Variants in KIR3DL2 observed in about 807,000 individuals in gnomAD.
KIR3DL2 encodes the protein killer cell immunoglobulin like receptor, three Ig domains and long cytoplasmic tail 2.
KIR3DL2 carries 42 observed loss-of-function variants against 41.6 expected under a neutral mutation model. The observed-to-expected ratio is 1.01, with a 90% CI of 0.79 to 1.31. KIR3DL2 has a LOEUF of 1.31. KIR3DL2 is among the 50% of genes most tolerant of loss of function. KIR3DL2 has a pLI of 0.00. For synonymous variants in KIR3DL2, 230 were observed against 221.3 expected, an observed-to-expected ratio of 1.04 and a Z score of -0.35; for missense variants, 728 against 576.8, an observed-to-expected ratio of 1.26 and a Z score of -2.68.
At chr19:54,851,309 C>T in intron 2 of KIR3DL2, 54 bp downstream of exon 2, 2 of 1,576,980 alleles carry the variant, frequency 1.3e-6, no homozygotes, top group Non-Finnish European at 1.7e-6. Flanking sequence ...GAGGATTTTT[C>T]TGAAACAGGA....
At position 54,866,822 on chromosome 19, in the gene KIR3DL2, C is replaced by A; in HGVS notation, c.*91C>A. The A allele has an allele frequency of 1.5e-6, 2 of 1,360,208 alleles. No homozygotes were observed. Among genetic ancestry groups the A allele is most frequent in the Non-Finnish European group, 2.1e-6 (2 of 968,556 alleles). 84.3% of individuals were successfully genotyped at this position (1,360,208 alleles called of 1,614,324 possible). A position where few individuals can be genotyped will look rare whatever the true frequency, so the allele number is the denominator to read the frequency against. On this transcript the variant is annotated 3_prime_UTR_variant, in exon 9 of 9. Coordinates refer to ENST00000326321, the MANE Select transcript of KIR3DL2 (RefSeq NM_006737.4). Reference sequence around the variant, plus strand: ...GGCATCAGTCTGCATCTTAGGGGATCGCTCTTCCTCACACCACGAATCTGA... The same window carrying A: ...GGCATCAGTCTGCATCTTAGGGGATAGCTCTTCCTCACACCACGAATCTGA...
At chr19:54,851,402 C>G (rs2064222633) in intron 2 of KIR3DL2, 147 bp downstream of exon 2, 1 of 824,058 alleles carries the variant, frequency 1.2e-6, no homozygotes, top group East Asian at 3.2e-5. Flanking sequence ...CCTCGCCCTC[C>G]CTGGCCTTTC....
chr19:54,865,783 T>C, intron 6 of KIR3DL2, 22 bp from the exon 7 acceptor site: 1 of 1,575,784 alleles, frequency 6.3e-7, no homozygotes, highest in South Asian at 1.1e-5. Context: ...TAGCTTCTTA[T>C]TGGATTCCCA....
At position 54,850,470 on chromosome 19, in the gene KIR3DL2, A is replaced by G. The variant is rs2064083400; in HGVS notation, c.-6A>G. The G allele has an allele frequency of 2.5e-6, 4 of 1,608,876 alleles. No homozygotes were observed. The highest frequency in any genetic ancestry group is 2.5e-6 in the Non-Finnish European group (3 of 1,179,938). ...GGCGCGGCCTCCTGTCTGCACCGGC[A>G]GCACCATGTCGCTCACGGTCGTCAG... On this transcript the variant is annotated 5_prime_UTR_variant, in exon 1 of 9. Transcript: ENST00000326321.
intron 4 of KIR3DL2, among the ~76,000 whole-genome samples, 195 bp from the exon 5 acceptor site, chr19:54,855,424 G>A (rs2064666347): frequency 6.6e-6 from 1 of 151,456 alleles, no homozygotes; most frequent in Admixed American, 6.6e-5. Flanking sequence ...ACCCAGGGGT[G>A]GGGAAGTGAG....
Position 54,852,192 on chromosome 19 carries a change from C to T in KIR3DL2, c.265C>T (p.His89Tyr). 2 of 1,612,506 alleles carry T rather than the reference C, an allele frequency of 1.2e-6. No individual in the cohort carries two copies. Among genetic ancestry groups the T allele is most frequent in the Non-Finnish European group, 1.7e-6 (2 of 1,179,358 alleles). ...SFIMGPVTPA[H>Y]AGTYRCRGSR... is the part of the protein sequence containing the mutation. ...CATCATGGGCCCTGTGACCCCAGCA[C>T]ATGCAGGGACCTACAGATGTCGGGG... Residue 89 changes from histidine (H) to tyrosine (Y), a missense_variant, in exon 3 of 9, where the codon CAT (histidine) becomes TAT (tyrosine). Coordinates refer to ENST00000326321, the MANE Select transcript of KIR3DL2 (RefSeq NM_006737.4).
In KIR3DL2 at chr19:54,859,085, C is replaced by T. The variant is rs2064996161; in HGVS notation, c.956C>T (p.Pro319Leu). 3.1e-6 allele frequency: 5 copies of T among 1,613,596 alleles called. No homozygotes were observed. The highest frequency in any genetic ancestry group is 4.2e-6 in the Non-Finnish European group (5 of 1,179,744). ...CTCCTGTCCCGTGTTCTAGGAAACCCTTCAAGTAGTTGGCCTTCACCCACA... is the reference window on the plus strand; with the variant it reads ...CTCCTGTCCCGTGTTCTAGGAAACCTTTCAAGTAGTTGGCCTTCACCCACA... Reference protein sequence around the residue: ...DPLLVSVTGNPSSSWPSPTEP... With the variant: ...DPLLVSVTGNLSSSWPSPTEP... The change falls in exon 6 of 9, where the codon CCT becomes CTT. Residue 319 changes from proline to leucine, a missense_variant. Pro to Leu is a moderately conservative substitution (Grantham distance 98). Transcript: ENST00000326321.
At chr19:54,852,853 G>T (rs1350926865) in intron 3 of KIR3DL2, among the ~76,000 whole-genome samples, 1 of 151,188 alleles carries the variant, frequency 6.6e-6, no homozygotes, top group African/African-American at 2.5e-5. Flanking sequence ...GAAGTGGAAG[G>T]GGTCAGTGTG....
In KIR3DL2 at chr19:54,866,833, A is replaced by C. The variant is rs547938635; in HGVS notation, c.*102A>C. ...GCATCTTAGGGGATCGCTCTTCCTCACACCACGAATCTGAACATGCCTCTC... is the reference window on the plus strand; with the variant it reads ...GCATCTTAGGGGATCGCTCTTCCTCCCACCACGAATCTGAACATGCCTCTC... On this transcript the variant is annotated 3_prime_UTR_variant, in exon 9 of 9. Coordinates refer to ENST00000326321, the MANE Select transcript of KIR3DL2 (RefSeq NM_006737.4). 2.3e-5 allele frequency: 29 copies of C among 1,284,060 alleles called. No homozygotes were observed. The African/African-American group carries it at 3.6e-4, about 16-fold the overall frequency. The allele number at this position is 1,284,060 out of a possible 1,614,324, so 79.5% of individuals were successfully genotyped here.
intron 5 of KIR3DL2, 45 bp downstream of exon 5, chr19:54,855,957 C>T: frequency 6.2e-7 from 1 of 1,601,332 alleles, no homozygotes; most frequent in South Asian, 1.1e-5. Context: ...ATCCTAGAGC[C>T]ATAGCTGAGG....
At chr19:54,854,796 G>A (rs2064604462) in intron 4 of KIR3DL2, among the ~76,000 whole-genome samples, 2 of 151,762 alleles carry the variant, frequency 1.3e-5, no homozygotes, top group Non-Finnish European at 2.9e-5. Context: ...TGGAAGGGAG[G>A]AGAGAAAAGC....
In KIR3DL2 at chr19:54,857,195, T is replaced by C. The variant is rs894982659; in HGVS notation, c.949+1283T>C. 4.1e-4 allele frequency among the ~76,000 whole-genome samples: 62 copies of C among 151,506 alleles called. 3 individuals carry two copies. Among genetic ancestry groups the C allele is most frequent in the African/African-American group, 1.3e-3 (54 of 40,936 alleles). ...ACCTCTGCTTCCTAGGTTCAAACGA[T>C]TCTCCTGACTCAGCCTCCCTAATAG... On this transcript the variant is annotated intron_variant, in intron 5 of 8. Transcript: ENST00000326321.
At position 54,855,855 on chromosome 19, in the gene KIR3DL2, C is replaced by G. The variant is rs200625052; in HGVS notation, c.892C>G (p.Arg298Gly). The part of the protein sequence containing the change: ...GGTYRCFGSF[R>G]ALPCVWSNSS... ...GACCTACAGATGCTTCGGCTCTTTCCGTGCCCTGCCCTGCGTGTGGTCAAA... is the reference window on the plus strand; with the variant it reads ...GACCTACAGATGCTTCGGCTCTTTCGGTGCCCTGCCCTGCGTGTGGTCAAA... Residue 298 changes from arginine (R) to glycine (G), a missense_variant, in exon 5 of 9, where the codon CGT (arginine) becomes GGT (glycine). Arg to Gly is a moderately radical substitution (Grantham distance 125). Transcript: ENST00000326321. The G allele has an allele frequency of 6.2e-7, 1 of 1,613,310 alleles. No individual in the cohort carries two copies. The highest frequency in any genetic ancestry group is 1.3e-5 in the African/African-American group (1 of 74,482).
intron 3 of KIR3DL2, among the ~76,000 whole-genome samples, chr19:54,852,929 C>T (rs1040177558): frequency 2.0e-5 from 3 of 150,936 alleles, no homozygotes; most frequent in African/African-American, 7.4e-5. Flanking sequence ...CACAGGAACC[C>T]AGGTCAAGGA....
chr19:54,865,322 G>T (rs950425446), intron 6 of KIR3DL2, among the ~76,000 whole-genome samples: 2 of 151,956 alleles, frequency 1.3e-5, no homozygotes, highest in African/African-American at 4.8e-5. Flanking sequence ...CTGGCAGAAG[G>T]GAAGGAGGGT....
Position 54,866,664 on chromosome 19 carries a change from C to T in KIR3DL2, c.1301C>T (p.Ala434Val). ...DTSVYTELPN[A>V]EPRSKVVSCP... is the part of the protein sequence containing the mutation. ...AGCGTGTACACGGAACTTCCAAATG[C>T]TGAGCCCAGATCCAAAGTTGTCTCC... Residue 434 changes from alanine to valine, a missense_variant, in exon 9 of 9, where the codon GCT (alanine) becomes GTT (valine). By Grantham distance (64) the Ala-to-Val change is moderately conservative (BLOSUM62 0). Coordinates refer to ENST00000326321, the MANE Select transcript of KIR3DL2 (RefSeq NM_006737.4). 1 of 1,614,010 alleles carries T rather than the reference C, an allele frequency of 6.2e-7. No homozygotes were observed. The highest frequency in any genetic ancestry group is 8.5e-7 in the Non-Finnish European group (1 of 1,179,958).
intron 3 of KIR3DL2, among the ~76,000 whole-genome samples, chr19:54,853,450 A>T (rs1337100097): frequency 5.9e-5 from 9 of 151,704 alleles, no homozygotes; most frequent in Admixed American, 3.9e-4. Flanking sequence ...GTCCTCTTCC[A>T]CCCCCACATA....
rs566091373 is a variant in KIR3DL2 at position 54,863,161 on chromosome 19, C to T, written c.1001-2644C>T. Among the ~76,000 whole-genome samples the T allele has an allele frequency of 4.0e-5, 6 of 151,654 alleles. No homozygotes were observed. The South Asian group carries it at 1.3e-3, about 32-fold the overall frequency. ...GAGAATGATGATTTCCAATTTCATC[C>T]ATGTCCCTGCAAAGGACATGAACTC... is the stretch of plus-strand genomic sequence containing the variant. On this transcript the variant is annotated intron_variant, in intron 6 of 8. Coordinates refer to ENST00000326321, the MANE Select transcript of KIR3DL2 (RefSeq NM_006737.4).
intron 4 of KIR3DL2, among the ~76,000 whole-genome samples, chr19:54,855,283 T>C (rs1179425022): frequency 1.3e-5 from 2 of 151,204 alleles, no homozygotes; most frequent in African/African-American, 2.4e-5. Flanking sequence ...AGATAGATAA[T>C]AGATAGAAAT....
Sources: allele counts gnomAD v4.1 joint callset (sites outside exome capture counted in the v4.1 genomes callset), GRCh38; gene constraint gnomAD v4.1.1; transcripts MANE v1.5; gene names NCBI Gene and HGNC (gene_info 2026-07-23, HGNC 2026-07-21).